Variants in PTPN14 observed in about 807,000 individuals in gnomAD.
PTPN14 encodes the protein protein tyrosine phosphatase non-receptor type 14.
In PTPN14, 53 loss-of-function variants were observed where a neutral mutation model predicts 126.8. The ratio of observed to expected loss-of-function variants is 0.42; its 90% CI spans 0.34 to 0.53. The LOEUF (loss-of-function observed/expected upper bound fraction) is 0.53, where lower values mean the gene tolerates loss of function less well. Ranked by LOEUF, PTPN14 falls within the 20% of genes least tolerant of loss-of-function variation. The pLI, the probability that PTPN14 is intolerant of heterozygous loss-of-function variation, is 0.08. For missense variants in PTPN14, 1,257 were observed against 1,552.9 expected (o/e 0.81, Z 3.20); for synonymous variants, 630 against 599.3 (o/e 1.05, Z -0.75).
In PTPN14 at chr1:214,355,100, T is replaced by C. The variant is rs1657787122; in HGVS notation, c.*2822A>G. Reference sequence around the variant, plus strand: ...GGCATTTGTTTTTAAAAGTGAAATATGTGGAACAACTCTTAAATGTTTTCT... The same window carrying C: ...GGCATTTGTTTTTAAAAGTGAAATACGTGGAACAACTCTTAAATGTTTTCT... On this transcript the variant is annotated 3_prime_UTR_variant, in exon 19 of 19. Transcript: ENST00000366956. 6.6e-6 allele frequency: 1 copy of C among 152,262 alleles called. No homozygotes were observed. Among genetic ancestry groups the C allele is most frequent in the Non-Finnish European group, 1.5e-5 (1 of 68,048 alleles). 9.4% of individuals were successfully genotyped at this position (152,262 alleles called of 1,614,324 possible). A position where few individuals can be genotyped will look rare whatever the true frequency, so the allele number is the denominator to read the frequency against.
intron 15 of PTPN14, among the ~76,000 whole-genome samples, chr1:214,375,768 C>T (rs907877897): frequency 1.3e-5 from 2 of 152,080 alleles, no homozygotes; most frequent in African/African-American, 2.4e-5. Context: ...TAATAGGACT[C>T]GCGCTTTTAT....
chr1:214,508,592 C>G (rs1220448535), intron 1 of PTPN14, among the ~76,000 whole-genome samples: 1 of 152,122 alleles, frequency 6.6e-6, no homozygotes, highest in Non-Finnish European at 1.5e-5. Flanking sequence ...CAATGTCTTC[C>G]AAACTCCTGT....
At chr1:214,400,463 G>C (rs1197284839) in intron 7 of PTPN14, among the ~76,000 whole-genome samples, 1 of 152,146 alleles carries the variant, frequency 6.6e-6, no homozygotes, top group East Asian at 1.9e-4. Flanking sequence ...TCCCACTAAA[G>C]AAAGAACATA....
At position 214,351,737 on chromosome 1, in the gene PTPN14, CTA is replaced by C. The variant is rs1292067719; in HGVS notation, c.*6183_*6184del. On this transcript the variant is annotated 3_prime_UTR_variant, in exon 19 of 19. Coordinates refer to ENST00000366956, the MANE Select transcript of PTPN14 (RefSeq NM_005401.5). ...CCTCAACAGTGAAGACAGTTTAAAACTATGAGCTAGGGTGAAATAGACTCCAA... is the reference window on the plus strand; with the variant it reads ...CCTCAACAGTGAAGACAGTTTAAAACTGAGCTAGGGTGAAATAGACTCCAA... 1 of 152,212 alleles carries C rather than the reference CTA, an allele frequency of 6.6e-6. No individual in the cohort carries two copies. The highest frequency in any genetic ancestry group is 6.5e-5 in the Admixed American group (1 of 15,284). 9.4% of individuals were successfully genotyped at this position (152,212 alleles called of 1,614,324 possible). A position where few individuals can be genotyped will look rare whatever the true frequency, so the allele number is the denominator to read the frequency against.
At chr1:214,410,977 T>G (rs762285682) in intron 5 of PTPN14, among the ~76,000 whole-genome samples, 3 of 152,242 alleles carry the variant, frequency 2.0e-5, no homozygotes, top group Non-Finnish European at 4.4e-5. Flanking sequence ...TGTTTTCTAT[T>G]TCCATGAAGA....
At chr1:214,485,871 G>A (rs574326123) in intron 1 of PTPN14, among the ~76,000 whole-genome samples, 41 of 152,082 alleles carry the variant, frequency 2.7e-4, no homozygotes, top group African/African-American at 8.9e-4. Flanking sequence ...GACTACAGGC[G>A]CCCGCCGCCA....
Position 214,394,992 on chromosome 1 carries a change from T to A in PTPN14, c.759-6A>T, listed in dbSNP as rs1262206133. On this transcript the variant is annotated splice_region_variant and splice_polypyrimidine_tract_variant and intron_variant, in intron 8 of 18. Coordinates refer to ENST00000366956, the MANE Select transcript of PTPN14 (RefSeq NM_005401.5). ...TATTCCCCATGTCATTCCACCTGGT[T>A]AGAAGAAATGTCACTGTGTTTACTC... is the stretch of plus-strand genomic sequence containing the variant. 2 of 1,604,598 alleles carry A rather than the reference T, an allele frequency of 1.2e-6. No individual in the cohort carries two copies. Among genetic ancestry groups the A allele is most frequent in the African/African-American group, 2.7e-5 (2 of 74,710 alleles).
Position 214,429,158 on chromosome 1 carries a change from C to A in PTPN14, c.345-14432G>T, listed in dbSNP as rs540940896. ...ACCATGCTTATAGACAGGATGATTT[C>A]CTCATAAAAGTCATGATCACAGATT... On this transcript the variant is annotated intron_variant, in intron 3 of 18. Coordinates refer to ENST00000366956, the MANE Select transcript of PTPN14 (RefSeq NM_005401.5). Among the ~76,000 whole-genome samples the A allele has an allele frequency of 2.7e-4, 41 of 152,160 alleles. 1 individual carries two copies. In the South Asian group the frequency reaches 5.0e-3, roughly 19 times the overall value.
At chr1:214,541,122 AT>A (rs1655824385) in intron 1 of PTPN14, among the ~76,000 whole-genome samples, 1 of 152,198 alleles carries the variant, frequency 6.6e-6, no homozygotes, top group Non-Finnish European at 1.5e-5. Context: ...CAATGATAAT[AT>A]AACTATTATT....
chr1:214,400,049 G>C (rs1571974989), intron 7 of PTPN14, among the ~76,000 whole-genome samples: 1 of 151,882 alleles, frequency 6.6e-6, no homozygotes, highest in South Asian at 2.1e-4. Flanking sequence ...GTCCACTGCT[G>C]TTCTACTCTT....
rs548259375 is a variant in PTPN14, at chr1:214,478,344, TACTA to T, written c.-154-13391_-154-13388del. Among the ~76,000 whole-genome samples, 3 of 152,298 alleles carry T rather than the reference TACTA, an allele frequency of 2.0e-5. No homozygotes were observed. In the South Asian group the frequency reaches 6.2e-4, roughly 32 times the overall value. ...GCTCTGAACAATGCTCATGATGTGTTACTAAGTAGGAAAAGTTGCAGAGTAATAT... is the reference window on the plus strand; with the variant it reads ...GCTCTGAACAATGCTCATGATGTGTTAGTAGGAAAAGTTGCAGAGTAATAT... On this transcript the variant is annotated intron_variant, in intron 1 of 18. Transcript: ENST00000366956.
At chr1:214,473,092 G>A (rs17790515) in intron 1 of PTPN14, among the ~76,000 whole-genome samples, 13,709 of 152,158 alleles carry the variant, frequency 0.09, 634 homozygotes, top group South Asian at 0.12. Context: ...TGTAAGTTTC[G>A]ATCTTTACCT....
In PTPN14 at chr1:214,514,735, G is replaced by C. The variant is rs1485832033; in HGVS notation, c.-155+36448C>G. On this transcript the variant is annotated intron_variant, in intron 1 of 18. Coordinates refer to ENST00000366956, the MANE Select transcript of PTPN14 (RefSeq NM_005401.5). ...AACAAGCCTTCACCCCATGACCCCA[G>C]CTCAAACCACTTTGTGCAACACCAC... is the stretch of plus-strand genomic sequence containing the variant. 2.0e-5 allele frequency among the ~76,000 whole-genome samples: 3 copies of C among 152,254 alleles called. No individual in the cohort carries two copies. The East Asian group carries it at 5.8e-4, about 29-fold the overall frequency.
chr1:214,376,351 G>GA lies in PTPN14; in HGVS notation c.2774dup (p.Ser926GlnfsTer16). On this transcript the variant is annotated frameshift_variant, in exon 15 of 19. Coordinates refer to ENST00000366956, the MANE Select transcript of PTPN14 (RefSeq NM_005401.5). LOFTEE classifies it high-confidence loss of function. ...CGTTTTCTGGCAGAGCTGCTGTGCT[G>GA]AAAATGCCATTCGCCTTTTTCTTTG... The GA allele has an allele frequency of 6.2e-7, 1 of 1,614,110 alleles. No homozygotes were observed. The highest frequency in any genetic ancestry group is 8.5e-7 in the Non-Finnish European group (1 of 1,179,970).
At chr1:214,374,859 C>T (rs1046467649) in intron 15 of PTPN14, among the ~76,000 whole-genome samples, 1 of 152,054 alleles carries the variant, frequency 6.6e-6, no homozygotes, top group Non-Finnish European at 1.5e-5. Context: ...GAGATCTGGC[C>T]AAAAGAAGAA....
chr1:214,470,152 G>C (rs954307536), intron 1 of PTPN14, among the ~76,000 whole-genome samples: 3 of 152,054 alleles, frequency 2.0e-5, no homozygotes, highest in Admixed American at 1.3e-4. Flanking sequence ...AGCTGGACAT[G>C]GTTTTGTGCA....
rs536737891 is a variant in PTPN14, at chr1:214,356,676, C to T, written c.*1246G>A. ...GCTCTGCCAATGACAATTCTACCATCGTTCATCAAGTGGCCCCAAGTTTGG... is the reference window on the plus strand; with the variant it reads ...GCTCTGCCAATGACAATTCTACCATTGTTCATCAAGTGGCCCCAAGTTTGG... On this transcript the variant is annotated 3_prime_UTR_variant, in exon 19 of 19. Transcript: ENST00000366956. The T allele has an allele frequency of 4.6e-5, 7 of 152,176 alleles. No homozygotes were observed. Among genetic ancestry groups the T allele is most frequent in the Admixed American group, 1.3e-4 (2 of 15,288 alleles). The allele number at this position is 152,176 out of a possible 1,614,324, so 9.4% of individuals were successfully genotyped here.
intron 17 of PTPN14, among the ~76,000 whole-genome samples, chr1:214,368,835 T>G (rs962480886): frequency 1.3e-5 from 2 of 152,040 alleles, no homozygotes; most frequent in African/African-American, 4.8e-5. Context: ...ATACAAAAAT[T>G]AGCTAGATGT....
At chr1:214,432,809 C>A (rs1465910363) in intron 3 of PTPN14, among the ~76,000 whole-genome samples, 1 of 152,122 alleles carries the variant, frequency 6.6e-6, no homozygotes, top group Non-Finnish European at 1.5e-5. Flanking sequence ...TCCATAAACA[C>A]TGAGAGGGAG....
Sources: allele counts gnomAD v4.1 joint callset (sites outside exome capture counted in the v4.1 genomes callset), GRCh38; gene constraint gnomAD v4.1.1; transcripts MANE v1.5; gene names NCBI Gene and HGNC (gene_info 2026-07-23, HGNC 2026-07-21).